Variants in CAMSAP2 observed in about 807,000 individuals in gnomAD.
CAMSAP2 encodes calmodulin regulated spectrin associated protein family member 2, also known as calmodulin-regulated spectrin-associated protein 2.
A neutral mutation model predicts 146.1 loss-of-function variants in CAMSAP2; 26 were observed. The ratio of observed to expected loss-of-function variants is 0.18; its 90% confidence interval spans 0.13 to 0.25. The LOEUF is 0.25. Ranked by LOEUF, CAMSAP2 falls within the 10% of genes least tolerant of loss-of-function variation. The pLI, the probability that CAMSAP2 is intolerant of heterozygous loss-of-function variation, is 1.00. For synonymous variants in CAMSAP2, 499 were observed against 596.6 expected (o/e 0.84, Z 2.38); for missense variants, 1,381 against 1,759.3 (o/e 0.78, Z 3.85).
chr1:200,832,915 A>C lies in CAMSAP2; in HGVS notation c.927+70A>C. ...GTTTTTTTAAAAAACAAACAAAAACACCGGGAACAGTGGCTCATGCCTGTA... is the reference window on the plus strand; with the variant it reads ...GTTTTTTTAAAAAACAAACAAAAACCCCGGGAACAGTGGCTCATGCCTGTA... On this transcript the variant is annotated intron_variant, in intron 6 of 16. Coordinates refer to ENST00000358823, the MANE Select transcript of CAMSAP2 (RefSeq NM_203459.4). The surrounding 1 kb of genome is among the most constrained non-coding windows in gnomAD (Gnocchi z 4.2). 1 of 1,382,302 alleles carries C rather than the reference A, an allele frequency of 7.2e-7. No individual in the cohort carries two copies. Among genetic ancestry groups the C allele is most frequent in the Admixed American group, 2.2e-5 (1 of 45,842 alleles). 85.6% of individuals were successfully genotyped at this position (1,382,302 alleles called of 1,614,324 possible).
chr1:200,856,678 G>A (rs1252809794), intron 15 of CAMSAP2, among the ~76,000 whole-genome samples: 1 of 152,210 alleles, frequency 6.6e-6, no homozygotes, highest in Non-Finnish European at 1.5e-5. Flanking sequence ...AGCACGTTGA[G>A]AGGTAAGATA....
Position 200,853,030 on chromosome 1 carries a change from CG to C in CAMSAP2, c.3603-244del. ...ACACACACACACACACACACACACA[CG>C]ACCTAAATTATCTCAAATACCTTTA... On this transcript the variant is annotated intron_variant, in intron 12 of 16. Transcript: ENST00000358823. The surrounding 1 kb of genome is among the most constrained non-coding windows in gnomAD (Gnocchi z 5.1). 6.8e-6 allele frequency among the ~76,000 whole-genome samples: 1 copy of C among 147,612 alleles called. No individual in the cohort carries two copies.
intron 7 of CAMSAP2, 100 bp from the exon 8 acceptor site, chr1:200,844,682 G>A (rs1262326980): frequency 1.8e-6 from 1 of 560,570 alleles, no homozygotes; most frequent in African/African-American, 2.0e-5. Flanking sequence ...ACGTAGAAAG[G>A]GAAATAGAAG....
At position 200,832,922 on chromosome 1, in the gene CAMSAP2, A is replaced by G. The variant is rs1667082127; in HGVS notation, c.927+77A>G. On this transcript the variant is annotated intron_variant, in intron 6 of 16. Transcript: ENST00000358823. This position sits in a 1 kb window ranked among gnomAD's most constrained non-coding sequence, Gnocchi z 4.2. Reference sequence around the variant, plus strand: ...TAAAAAACAAACAAAAACACCGGGAACAGTGGCTCATGCCTGTAATCCCAG... The same window carrying G: ...TAAAAAACAAACAAAAACACCGGGAGCAGTGGCTCATGCCTGTAATCCCAG... 9 of 1,289,316 alleles carry G rather than the reference A, an allele frequency of 7.0e-6. 1 individual carries two copies. The South Asian group carries it at 1.1e-4, about 16-fold the overall frequency. The allele number at this position is 1,289,316 out of a possible 1,614,324, so 79.9% of individuals were successfully genotyped here.
In CAMSAP2 at chr1:200,847,972, A is replaced by G. The variant is rs1009965338; in HGVS notation, c.1263-60A>G. 5.2e-6 allele frequency: 6 copies of G among 1,147,750 alleles called. No homozygotes were observed. The East Asian group carries it at 1.2e-4, about 23-fold the overall frequency. The allele number at this position is 1,147,750 out of a possible 1,614,324, so 71.1% of individuals were successfully genotyped here. A position where few individuals can be genotyped will look rare whatever the true frequency, so the allele number is the denominator to read the frequency against. Reference sequence around the variant, plus strand: ...TGTAATTTCAAATAATTCTTGTTAAATGATACTAAAAATCATTTCTAGGAT... The same window carrying G: ...TGTAATTTCAAATAATTCTTGTTAAGTGATACTAAAAATCATTTCTAGGAT... On this transcript the variant is annotated intron_variant, in intron 10 of 16. Coordinates refer to ENST00000358823, the MANE Select transcript of CAMSAP2 (RefSeq NM_203459.4).
chr1:200,789,550 G>A (rs1665691327), intron 2 of CAMSAP2, among the ~76,000 whole-genome samples: 1 of 152,168 alleles, frequency 6.6e-6, no homozygotes, highest in South Asian at 2.1e-4. Flanking sequence ...ACCACATTGT[G>A]TTGATTACTG....
At chr1:200,774,400 G>A (rs17694768) in intron 2 of CAMSAP2, among the ~76,000 whole-genome samples, 44,146 of 152,066 alleles carry the variant, frequency 0.29, 7,281 homozygotes, top group Non-Finnish European at 0.39. Context: ...GTTACAAAGT[G>A]CACTATGTTA....
chr1:200,789,670 G>A (rs971566990), intron 2 of CAMSAP2, among the ~76,000 whole-genome samples: 1 of 152,066 alleles, frequency 6.6e-6, no homozygotes, highest in African/African-American at 2.4e-5. Context: ...GTAAACTTTA[G>A]ATCAATTCAT....
At position 200,850,184 on chromosome 1, in the gene CAMSAP2, A is replaced by G. The variant is rs1667580260; in HGVS notation, c.3415A>G (p.Lys1139Glu). Residue 1139 changes from lysine (K) to glutamate (E), a missense_variant, in exon 11 of 17, where the codon AAA becomes GAA. Coordinates refer to ENST00000358823, the MANE Select transcript of CAMSAP2 (RefSeq NM_203459.4). ...PVEKYDGESD[K>E]EQFDDDQKVC... Reference sequence around the variant, plus strand: ...TGAAAAATATGATGGAGAAAGTGATAAAGAACAATTTGATGATGACCAGAA... The same window carrying G: ...TGAAAAATATGATGGAGAAAGTGATGAAGAACAATTTGATGATGACCAGAA... 1 of 1,603,224 alleles carries G rather than the reference A, an allele frequency of 6.2e-7. No homozygotes were observed. The highest frequency in any genetic ancestry group is 1.4e-5 in the African/African-American group (1 of 74,050).
chr1:200,817,183 C>CACACGTGTGTGTGTAT (rs1666600893), intron 4 of CAMSAP2, among the ~76,000 whole-genome samples: 1 of 66,322 alleles, frequency 1.5e-5, no homozygotes, highest in African/African-American at 7.6e-5. Context: ...TATATACACA[C>CACACGTGTGTGTGTAT]ACACACATGT....
At chr1:200,795,986 C>A (rs956057350) in intron 2 of CAMSAP2, among the ~76,000 whole-genome samples, 1 of 152,128 alleles carries the variant, frequency 6.6e-6, no homozygotes, top group African/African-American at 2.4e-5. Flanking sequence ...ATAAAAATAG[C>A]AGTTTTGTGC....
chr1:200,743,300 A>G (rs1664229492), intron 1 of CAMSAP2, among the ~76,000 whole-genome samples: 1 of 148,356 alleles, frequency 6.7e-6, no homozygotes, highest in Non-Finnish European at 1.5e-5. Flanking sequence ...AATCTTCTCA[A>G]CTATTATTCT....
chr1:200,809,288 C>T (rs968318317), intron 3 of CAMSAP2, among the ~76,000 whole-genome samples: 1 of 152,230 alleles, frequency 6.6e-6, no homozygotes, highest in Non-Finnish European at 1.5e-5. Flanking sequence ...CCTACTGTTA[C>T]AATGAAGAAT....
chr1:200,856,715 G>A (rs1388188970), intron 15 of CAMSAP2, among the ~76,000 whole-genome samples: 1 of 152,200 alleles, frequency 6.6e-6, no homozygotes, highest in Non-Finnish European at 1.5e-5. Context: ...CATGTATGGG[G>A]AAGAGCAGAG....
intron 2 of CAMSAP2, among the ~76,000 whole-genome samples, chr1:200,791,870 G>A (rs891442075): frequency 6.6e-5 from 10 of 151,950 alleles, no homozygotes; most frequent in Non-Finnish European, 1.2e-4. Context: ...GGAGGCTGAG[G>A]CAGAAGAATC....
intron 2 of CAMSAP2, among the ~76,000 whole-genome samples, chr1:200,802,565 C>T (rs1666062298): frequency 6.6e-6 from 1 of 152,080 alleles, no homozygotes; most frequent in African/African-American, 2.4e-5. Flanking sequence ...ACTAGTACCT[C>T]ATGTTTGTGA....
At chr1:200,745,686 T>C (rs1006170827) in intron 1 of CAMSAP2, among the ~76,000 whole-genome samples, 1 of 152,212 alleles carries the variant, frequency 6.6e-6, no homozygotes, top group African/African-American at 2.4e-5. Context: ...TTGGCCTGGC[T>C]GGTCTCAAAC....
intron 4 of CAMSAP2, among the ~76,000 whole-genome samples, chr1:200,821,226 A>G (rs551685974): frequency 6.8e-5 from 10 of 147,806 alleles, no homozygotes; most frequent in African/African-American, 2.3e-4. Context: ...TCTATTGCCC[A>G]GGCTGGAATG....
In CAMSAP2 at chr1:200,746,620, A is replaced by AT. The variant is rs35083171; in HGVS notation, c.139+6670dup. Among the ~76,000 whole-genome samples, 1,258 of 141,456 alleles carry AT rather than the reference A, an allele frequency of 8.9e-3. 15 individuals are homozygous for AT. Among genetic ancestry groups the AT allele is most frequent in the African/African-American group, 0.024 (929 of 38,316 alleles). The allele number at this position is 141,456 out of a possible 152,430, so 92.8% of individuals were successfully genotyped here. A position where few individuals can be genotyped will look rare whatever the true frequency, so the allele number is the denominator to read the frequency against. Reference sequence around the variant, plus strand: ...TAGGTGACTACCAGTCACTAGTCACATTTTTTTTTTTTTTTTGAGACGGAG... The same window carrying AT: ...TAGGTGACTACCAGTCACTAGTCACATTTTTTTTTTTTTTTTTGAGACGGAG... On this transcript the variant is annotated intron_variant, in intron 1 of 16. Transcript: ENST00000358823.
Sources: allele counts gnomAD v4.1 joint callset (sites outside exome capture counted in the v4.1 genomes callset), GRCh38; gene constraint gnomAD v4.1.1; non-coding constraint Gnocchi (gnomAD v3.1); transcripts MANE v1.5; gene names NCBI Gene and HGNC (gene_info 2026-07-23, HGNC 2026-07-21).